IGSF23: variants seen among roughly 807,000 people sequenced by gnomAD.
IGSF23 encodes immunoglobulin superfamily, member 23.
A neutral mutation model predicts 17.8 loss-of-function variants in IGSF23; 14 were observed. The ratio of observed to expected loss-of-function variants is 0.79; its 90% confidence interval spans 0.52 to 1.23. The LOEUF is 1.23. Among genes scored for constraint, IGSF23 ranks in the 50% most tolerant of loss-of-function variants. The probability of loss-of-function intolerance (pLI) is 0.00; values close to 1 mark genes in which losing one functional copy is unlikely to be tolerated. For synonymous variants in IGSF23, 85 were observed against 92.5 expected, an observed-to-expected ratio of 0.92 and a Z score of 0.46; for missense variants, 214 against 241.7, an observed-to-expected ratio of 0.89 and a Z score of 0.76.
At position 44,613,877 on chromosome 19, in the gene IGSF23, C is replaced by T. The variant is rs142143821; in HGVS notation, c.125+107C>T. 1.4e-3 allele frequency: 2,200 copies of T among 1,548,314 alleles called. 20 individuals carry two copies. The African/African-American group carries it at 0.023, about 16-fold the overall frequency. On this transcript the variant is annotated intron_variant, in intron 1 of 4. Transcript: ENST00000402988. ...GCGACTGTACAGGTCTATGAAGACCCCATGTGTGATGAGGAGACCTTCTCT... is the reference window on the plus strand; with the variant it reads ...GCGACTGTACAGGTCTATGAAGACCTCATGTGTGATGAGGAGACCTTCTCT...
In IGSF23 at chr19:44,613,578, T is replaced by C. The variant is rs1972298501; in HGVS notation, c.-68T>C. 1 of 1,477,018 alleles carries C rather than the reference T, an allele frequency of 6.8e-7. No homozygotes were observed. Among genetic ancestry groups the C allele is most frequent in the Non-Finnish European group, 9.1e-7 (1 of 1,104,744 alleles). 91.5% of individuals were successfully genotyped at this position (1,477,018 alleles called of 1,614,324 possible). A position where few individuals can be genotyped will look rare whatever the true frequency, so the allele number is the denominator to read the frequency against. ...ACCTTTGGCCATTCCTTGCCTTTGA[T>C]GTGAGTGATAGGAGCGGGCGATTCT... On this transcript the variant is annotated 5_prime_UTR_variant, in exon 1 of 5. An upstream start codon of the reference 5' UTR is lost. Transcript: ENST00000402988.
At chr19:44,614,029 C>T (rs1181036689) in intron 1 of IGSF23, 2 of 1,454,050 alleles carry the variant, frequency 1.4e-6, no homozygotes, top group East Asian at 5.9e-5. Context: ...GGGCCAGGGA[C>T]AAGGAGGAGA....
chr19:44,625,763 C>T (rs1972631664), intron 2 of IGSF23, among the ~76,000 whole-genome samples: 1 of 152,142 alleles, frequency 6.6e-6, no homozygotes, highest in South Asian at 2.1e-4. Context: ...TTGTAGCTCT[C>T]ATAATCCCCA....
At chr19:44,616,058 A>G (rs1166100540) in intron 1 of IGSF23, among the ~76,000 whole-genome samples, 1 of 152,244 alleles carries the variant, frequency 6.6e-6, no homozygotes, top group Non-Finnish European at 1.5e-5. Flanking sequence ...CAGTGCAACG[A>G]ACTTCAACTC....
chr19:44,620,341 TTG>T (rs373422531), intron 1 of IGSF23, among the ~76,000 whole-genome samples: 16,330 of 139,104 alleles, frequency 0.12, 915 homozygotes, highest in African/African-American at 0.15. Context: ...ATGACTAATT[TTG>T]TGTGTGTGTG....
At chr19:44,634,570 G>C (rs1972843634) in intron 3 of IGSF23, among the ~76,000 whole-genome samples, 1 of 152,122 alleles carries the variant, frequency 6.6e-6, no homozygotes. Context: ...AGTCGCTCCA[G>C]GCGCTGCTCG....
chr19:44,635,523 G>A (rs1972871739), intron 4 of IGSF23, 58 bp downstream of exon 4: 1 of 1,198,258 alleles, frequency 8.3e-7, no homozygotes, highest in East Asian at 2.6e-5. Context: ...AGAAGTTCTT[G>A]GGCAGAGACT....
chr19:44,615,978 T>C (rs1972365761), intron 1 of IGSF23, among the ~76,000 whole-genome samples: 1 of 152,162 alleles, frequency 6.6e-6, no homozygotes, highest in Non-Finnish European at 1.5e-5. Flanking sequence ...TTTTAGAAAG[T>C]GGTTTACAAC....
In IGSF23 at chr19:44,614,018, C is replaced by T. The variant is rs560129018; in HGVS notation, c.125+248C>T. The T allele has an allele frequency of 4.0e-5, 59 of 1,480,294 alleles. No individual in the cohort carries two copies. The South Asian group carries it at 5.6e-4, about 14-fold the overall frequency. 91.7% of individuals were successfully genotyped at this position (1,480,294 alleles called of 1,614,324 possible). ...TGCGTTGGAGACAGCGGCTTCACCA[C>T]GGGCCAGGGACAAGGAGGAGAGTGT... is the stretch of plus-strand genomic sequence containing the variant. On this transcript the variant is annotated intron_variant, in intron 1 of 4. Transcript: ENST00000402988.
At position 44,636,576 on chromosome 19, in the gene IGSF23, G is replaced by A. The variant is rs1452696734; in HGVS notation, c.*189G>A. On this transcript the variant is annotated 3_prime_UTR_variant, in exon 5 of 5. Transcript: ENST00000402988. ...AAGAAAACATCTGATGGGTTGACTC[G>A]GTGCCATCCTTGGTCCCATCGCCGT... The A allele has an allele frequency of 3.9e-5, 6 of 152,110 alleles. No homozygotes were observed. Among genetic ancestry groups the A allele is most frequent in the African/African-American group, 1.4e-4 (6 of 41,414 alleles). 9.4% of individuals were successfully genotyped at this position (152,110 alleles called of 1,614,324 possible). A position where few individuals can be genotyped will look rare whatever the true frequency, so the allele number is the denominator to read the frequency against.
Position 44,618,330 on chromosome 19 carries a change from T to C in IGSF23, c.125+4560T>C. ...CCAAGGCAGCCTGGTCATTAGAAAA[T>C]GACGGCTCAGGACTCGGGCAGCTAC... is the stretch of plus-strand genomic sequence containing the variant. On this transcript the variant is annotated intron_variant, in intron 1 of 4. Transcript: ENST00000402988. 7.9e-6 allele frequency: 3 copies of C among 382,040 alleles called. 1 individual carries two copies. Among genetic ancestry groups the C allele is most frequent in the South Asian group, 3.9e-5 (2 of 51,588 alleles). 23.7% of individuals were successfully genotyped at this position (382,040 alleles called of 1,614,324 possible).
intron 2 of IGSF23, among the ~76,000 whole-genome samples, chr19:44,625,776 T>C (rs578178679): frequency 1.3e-5 from 2 of 152,328 alleles, no homozygotes; most frequent in African/African-American, 4.8e-5. Context: ...AATCCCCATG[T>C]GTCATGAGAG....
intron 3 of IGSF23, among the ~76,000 whole-genome samples, chr19:44,630,662 T>G (rs2165537): frequency 0.061 from 9,326 of 152,296 alleles, 364 homozygotes; most frequent in South Asian, 0.16. Flanking sequence ...GGGCATCAGC[T>G]GGAAGGAGCT....
intron 1 of IGSF23, among the ~76,000 whole-genome samples, chr19:44,621,011 A>C (rs1359932858): frequency 6.6e-6 from 1 of 152,092 alleles, no homozygotes; most frequent in Non-Finnish European, 1.5e-5. Context: ...GCCAGGTGCT[A>C]TGGCTCACAC....
At chr19:44,620,371 G>GTA (rs544217608) in intron 1 of IGSF23, among the ~76,000 whole-genome samples, 13 of 151,488 alleles carry the variant, frequency 8.6e-5, no homozygotes, top group African/African-American at 3.2e-4. Flanking sequence ...GTGTGTGTGT[G>GTA]TGTGTGTGTG....
rs565166751 is a variant in IGSF23 at position 44,620,438 on chromosome 19, C to A, written c.126-3269C>A. On this transcript the variant is annotated intron_variant, in intron 1 of 4. Transcript: ENST00000402988. ...CTGGAGTGAAGTGGTGCGATCTCGGCTCACTACAACCTCCACCACCCGGGT... is the reference window on the plus strand; with the variant it reads ...CTGGAGTGAAGTGGTGCGATCTCGGATCACTACAACCTCCACCACCCGGGT... Among the ~76,000 whole-genome samples, 31 of 151,394 alleles carry A rather than the reference C, an allele frequency of 2.0e-4. No homozygotes were observed. The East Asian group carries it at 5.4e-3, about 26-fold the overall frequency.
At chr19:44,627,307 G>A in intron 2 of IGSF23, 113 bp from the exon 3 acceptor site, 1 of 1,111,836 alleles carries the variant, frequency 9.0e-7, no homozygotes, top group Non-Finnish European at 1.2e-6. Context: ...CCTGGAGGAT[G>A]GAAGAGAAGG....
At chr19:44,621,195 A>T (rs909808712) in intron 1 of IGSF23, among the ~76,000 whole-genome samples, 17 of 150,690 alleles carry the variant, frequency 1.1e-4, no homozygotes, top group Admixed American at 4.7e-4. Flanking sequence ...AGATGGAAGG[A>T]TCCCTTGAGC....
intron 3 of IGSF23, among the ~76,000 whole-genome samples, chr19:44,630,618 T>C (rs1972744308): frequency 6.6e-6 from 1 of 152,140 alleles, no homozygotes; most frequent in African/African-American, 2.4e-5. Flanking sequence ...CCTATTTAGT[T>C]GTGAGCAACA....
Sources: gnomAD v4.1 joint callset for allele counts (sites outside exome capture counted in the v4.1 genomes callset) on GRCh38, gnomAD v4.1.1 for gene constraint, MANE v1.5 for transcripts, NCBI Gene and HGNC (gene_info 2026-07-23, HGNC 2026-07-21) for gene names.